Variants in FBXL18 observed in about 807,000 individuals in gnomAD.
The protein encoded by FBXL18 is F-box/LRR-repeat protein 18.
In FBXL18, 36 loss-of-function variants were observed where a neutral mutation model predicts 46.0. That is an observed-to-expected ratio of 0.78 (90% CI 0.60 to 1.03). The LOEUF (loss-of-function observed/expected upper bound fraction) is 1.03, where lower values mean the gene tolerates loss of function less well. Ranked by LOEUF, FBXL18 falls within the 50% of genes least tolerant of loss-of-function variation. FBXL18 has a pLI of 0.00. For missense variants in FBXL18, 977 were observed against 1,004.1 expected (o/e 0.97, Z 0.36); for synonymous variants, 557 against 465.3 (o/e 1.20, Z -2.54).
chr7:5,504,433 T>C (rs1260779631), intron 2 of FBXL18, among the ~76,000 whole-genome samples: 5 of 146,984 alleles, frequency 3.4e-5, no homozygotes, highest in Non-Finnish European at 6.0e-5. Flanking sequence ...GCCTCCTAAG[T>C]AGCTGGGATT....
At chr7:5,465,267 C>A (rs1472335193) in intron 4 of FBXL18, among the ~76,000 whole-genome samples, 1 of 152,016 alleles carries the variant, frequency 6.6e-6, no homozygotes. Flanking sequence ...GTGGCATGAT[C>A]TCAGCTTACT....
At chr7:5,468,681 GACA>G (rs1175625398) in intron 4 of FBXL18, among the ~76,000 whole-genome samples, 6 of 152,110 alleles carry the variant, frequency 3.9e-5, no homozygotes, top group South Asian at 4.2e-4. Context: ...GCTCTCTGCA[GACA>G]ACAACTCCTG....
intron 2 of FBXL18, among the ~76,000 whole-genome samples, chr7:5,504,040 G>T (rs1175394075): frequency 6.6e-6 from 1 of 151,230 alleles, no homozygotes; most frequent in East Asian, 2.0e-4. Flanking sequence ...CCTCTGCAGA[G>T]AACAAAGCTT....
chr7:5,471,191 G>A (rs1783421496), downstream of FBXL18, among the ~76,000 whole-genome samples: 1 of 152,200 alleles, frequency 6.6e-6, no homozygotes, highest in Non-Finnish European at 1.5e-5. Flanking sequence ...ATCAGCCGCT[G>A]TGCAGGGCTC....
At chr7:5,458,207 C>T (rs538790352) in intron 4 of FBXL18, among the ~76,000 whole-genome samples, 2 of 152,212 alleles carry the variant, frequency 1.3e-5, no homozygotes, top group South Asian at 2.1e-4. Flanking sequence ...CAGCAGCGAA[C>T]GGGCAGGGAG....
intron 4 of FBXL18, among the ~76,000 whole-genome samples, chr7:5,468,882 T>A (rs1484238613): frequency 6.6e-6 from 1 of 152,164 alleles, no homozygotes; most frequent in Non-Finnish European, 1.5e-5. Context: ...ATTACAGGCA[T>A]GAGCCAACAT....
At chr7:5,486,831 A>G (rs969140327) in intron 4 of FBXL18, among the ~76,000 whole-genome samples, 13 of 152,080 alleles carry the variant, frequency 8.5e-5, no homozygotes, top group Non-Finnish European at 1.9e-4. Context: ...AGGCTGAGAC[A>G]CAGAGAGACG....
chr7:5,486,613 A>G (rs927495524), intron 4 of FBXL18, among the ~76,000 whole-genome samples: 2 of 152,108 alleles, frequency 1.3e-5, no homozygotes, highest in African/African-American at 4.8e-5. Context: ...TGATTGCACC[A>G]TTGCACTCCA....
intron 4 of FBXL18, among the ~76,000 whole-genome samples, chr7:5,461,008 C>T (rs193122204): frequency 2.0e-5 from 3 of 152,204 alleles, no homozygotes; most frequent in Non-Finnish European, 2.9e-5. Flanking sequence ...TTTCCTTCCA[C>T]GCACAAGTGC....
intron 1 of FBXL18, among the ~76,000 whole-genome samples, chr7:5,507,470 A>G (rs1020218610): frequency 6.6e-6 from 1 of 152,152 alleles, no homozygotes; most frequent in Non-Finnish European, 1.5e-5. Context: ...CATGGCCCGT[A>G]AGGACCCATG....
rs543822993 is a variant in FBXL18, at chr7:5,458,468, G to A, written c.2001-10625C>T. Among the ~76,000 whole-genome samples, 107 of 152,132 alleles carry A rather than the reference G, an allele frequency of 7.0e-4. 2 individuals carry two copies. The highest frequency in any genetic ancestry group is 3.8e-4 in the Non-Finnish European group (26 of 68,022). On this transcript the variant is annotated intron_variant and NMD_transcript_variant, in intron 4 of 6. Transcript: ENST00000415009. ...TAATCCCAGCACTTTGGGAGGCTGC[G>A]GCGGGCGGATCACGAGATCACGAGT...
chr7:5,513,724 C>G lies in FBXL18; in HGVS notation c.-50G>C, dbSNP rs747745935. On this transcript the variant is annotated 5_prime_UTR_variant, in exon 1 of 5. Coordinates refer to ENST00000382368, the MANE Select transcript of FBXL18 (RefSeq NM_024963.6). ...CCGCGGGATCCGCAACCCCGTGCCT[C>G]CCACCTGCCCGGCTAGGGATGCTCG... 11 of 1,583,874 alleles carry G rather than the reference C, an allele frequency of 6.9e-6. No homozygotes were observed. Among genetic ancestry groups the G allele is most frequent in the Admixed American group, 5.4e-5 (3 of 55,628 alleles).
At chr7:5,463,826 T>C (rs62441005) in intron 4 of FBXL18, among the ~76,000 whole-genome samples, 111,636 of 145,476 alleles carry the variant, frequency 0.77, 42,968 homozygotes, top group East Asian at 0.91. Flanking sequence ...CTACAACCTC[T>C]GCCTCCCAGG....
chr7:5,456,255 C>T (rs1320194901), intron 4 of FBXL18, among the ~76,000 whole-genome samples: 1 of 152,192 alleles, frequency 6.6e-6, no homozygotes, highest in Non-Finnish European at 1.5e-5. Context: ...GGACAGTGCT[C>T]CCCCTGCACC....
chr7:5,494,810 C>T (rs1486753323), intron 3 of FBXL18, among the ~76,000 whole-genome samples: 1 of 152,192 alleles, frequency 6.6e-6, no homozygotes, highest in African/African-American at 2.4e-5. Flanking sequence ...GATGCGGCTC[C>T]GTGCTACCCG....
chr7:5,469,709 TGTAA>T (rs1783398413), intron 4 of FBXL18, among the ~76,000 whole-genome samples: 1 of 151,416 alleles, frequency 6.6e-6, no homozygotes, highest in Admixed American at 6.6e-5. Flanking sequence ...GGGGTGTCCG[TGTAA>T]GTAGAGTGCG....
At chr7:5,500,416 C>T in intron 3 of FBXL18, 72 bp downstream of exon 3, 2 of 1,411,210 alleles carry the variant, frequency 1.4e-6, no homozygotes, top group Non-Finnish European at 1.9e-6. Flanking sequence ...AGCCACCGAA[C>T]TCCACGCGAA....
chr7:5,501,894 G>T lies in FBXL18; in HGVS notation c.375C>A (p.Asn125Lys), dbSNP rs758907075. 6.2e-7 allele frequency: 1 copy of T among 1,603,474 alleles called. No homozygotes were observed. Among genetic ancestry groups the T allele is most frequent in the Non-Finnish European group, 8.5e-7 (1 of 1,176,140 alleles). Reference protein sequence around the residue: ...VARCRSLVKVNLSGCHLTSLR... With the variant: ...VARCRSLVKVKLSGCHLTSLR... The stretch of plus-strand genomic sequence containing the variant: ...GGGAAGTGAGGTGGCAGCCCGAGAG[G>T]TTCACCTTCACCAGGCTGCGGCAGC... The change falls in exon 3 of 5, where the codon AAC (asparagine) becomes AAA (lysine). Residue 125 changes from asparagine (N) to lysine (K), a missense_variant. By Grantham distance (94) the Asn-to-Lys change is moderately conservative. Transcript: ENST00000382368.
intron 4 of FBXL18, among the ~76,000 whole-genome samples, chr7:5,462,675 G>A (rs1279588932): frequency 2.0e-5 from 3 of 151,952 alleles, no homozygotes; most frequent in Admixed American, 1.3e-4. Context: ...AATTTTGCCA[G>A]ATGCAGTGGC....
Sources: gnomAD v4.1 joint callset for allele counts (sites outside exome capture counted in the v4.1 genomes callset) on GRCh38, gnomAD v4.1.1 for gene constraint, MANE v1.5 for transcripts, NCBI Gene and HGNC (gene_info 2026-07-23, HGNC 2026-07-21) for gene names.